PDE1C: variants seen among roughly 807,000 people sequenced by gnomAD.
PDE1C encodes the protein phosphodiesterase 1C.
A neutral mutation model predicts 93.1 loss-of-function variants in PDE1C; 62 were observed. The ratio of observed to expected loss-of-function variants is 0.67; its 90% confidence interval spans 0.54 to 0.82. The LOEUF (loss-of-function observed/expected upper bound fraction) is 0.82, where lower values mean the gene tolerates loss of function less well. Among genes scored for constraint, PDE1C ranks in the 40% least tolerant of loss-of-function variants. The pLI is 0.00. For missense variants in PDE1C, 742 were observed against 884.6 expected, an observed-to-expected ratio of 0.84 and a Z score of 2.04; for synonymous variants, 325 against 310.1, an observed-to-expected ratio of 1.05 and a Z score of -0.50.
chr7:32,079,419 G>A (rs941941471), intron 3 of PDE1C, among the ~76,000 whole-genome samples: 1 of 152,196 alleles, frequency 6.6e-6, no homozygotes, highest in African/African-American at 2.4e-5. Context: ...AAATAGGGTG[G>A]CATTTCAGCT....
chr7:31,799,399 C>T (rs555205463), intron 16 of PDE1C, among the ~76,000 whole-genome samples: 5 of 151,706 alleles, frequency 3.3e-5, no homozygotes, highest in African/African-American at 1.2e-4. Flanking sequence ...AAATTAAATA[C>T]CACTCAAGTG....
intron 16 of PDE1C, among the ~76,000 whole-genome samples, chr7:31,791,733 A>G (rs1784618087): frequency 6.6e-6 from 1 of 152,046 alleles, no homozygotes; most frequent in Non-Finnish European, 1.5e-5. Flanking sequence ...GATAAAGACC[A>G]CTATTTAACT....
At chr7:31,828,737 A>G (rs557896216) in intron 11 of PDE1C, among the ~76,000 whole-genome samples, 1 of 152,268 alleles carries the variant, frequency 6.6e-6, no homozygotes, top group South Asian at 2.1e-4. Flanking sequence ...ACCTGTGGCC[A>G]TTGTTTAGCT....
intron 1 of PDE1C, among the ~76,000 whole-genome samples, chr7:32,237,375 A>T (rs1198739842): frequency 1.3e-5 from 2 of 152,110 alleles, no homozygotes; most frequent in Non-Finnish European, 2.9e-5. Flanking sequence ...TAATAAAATT[A>T]TAATGTCAGA....
Position 32,098,229 on chromosome 7 carries a change from C to CAAAAAAAAAAAAAAAAAA in PDE1C, c.308+71538_308+71555dup, listed in dbSNP as rs60146342. Reference sequence around the variant, plus strand: ...TGGGCGACAGAGCGAGACTCCGTCTCAAAAAAAAAAAAAAAAAAGACATAA... The same window carrying CAAAAAAAAAAAAAAAAAA: ...TGGGCGACAGAGCGAGACTCCGTCTCAAAAAAAAAAAAAAAAAAAAAAAAAAAAAAAAAAAAGACATAA... On this transcript the variant is annotated intron_variant, in intron 3 of 18. Coordinates refer to the PDE1C transcript ENST00000396193. Among the ~76,000 whole-genome samples, 383 of 45,922 alleles carry CAAAAAAAAAAAAAAAAAA rather than the reference C, an allele frequency of 8.3e-3. 5 individuals carry two copies. The highest frequency in any genetic ancestry group is 9.8e-3 in the Non-Finnish European group (237 of 24,184). The allele number at this position is 45,922 out of a possible 152,430, so 30.1% of individuals were successfully genotyped here.
At chr7:31,794,089 C>CAGATAGATAGATAGATAGAT (rs71559204) in intron 16 of PDE1C, among the ~76,000 whole-genome samples, 14 of 136,162 alleles carry the variant, frequency 1.0e-4, no homozygotes, top group East Asian at 4.3e-4. Context: ...GACAGACAGA[C>CAGATAGATAGATAGATAGAT]AGATAGATAG....
intron 1 of PDE1C, among the ~76,000 whole-genome samples, chr7:32,286,852 G>C (rs951860275): frequency 6.6e-6 from 1 of 152,154 alleles, no homozygotes; most frequent in Non-Finnish European, 1.5e-5. Context: ...AATGAATATG[G>C]ATCGTTTTTA....
At chr7:31,965,866 T>A (rs915638422) in intron 2 of PDE1C, among the ~76,000 whole-genome samples, 1 of 152,156 alleles carries the variant, frequency 6.6e-6, no homozygotes, top group Non-Finnish European at 1.5e-5. Context: ...CTAAGCTTCA[T>A]AAGTGAAGGA....
intron 14 of PDE1C, among the ~76,000 whole-genome samples, chr7:31,817,660 C>T (rs951107950): frequency 6.6e-6 from 1 of 152,178 alleles, no homozygotes; most frequent in Admixed American, 6.6e-5. Flanking sequence ...CTCCACACAT[C>T]ATTATCAGGT....
chr7:31,811,397 A>C (rs1211692745), intron 15 of PDE1C, among the ~76,000 whole-genome samples: 1 of 152,064 alleles, frequency 6.6e-6, no homozygotes, highest in Non-Finnish European at 1.5e-5. Context: ...GGAAGAATTG[A>C]GGAGCAGGGG....
At chr7:31,785,947 A>G (rs1180525231) in intron 16 of PDE1C, 1 of 152,246 alleles carries the variant, frequency 6.6e-6, no homozygotes, top group East Asian at 1.9e-4. Flanking sequence ...TTTCTTAGTG[A>G]TAATGAGGCC....
chr7:31,717,108 C>T, the PDE1C span, among the ~76,000 whole-genome samples: 9 of 152,156 alleles, frequency 5.9e-5, no homozygotes, highest in African/African-American at 2.2e-4. Context: ...AGTTATATGG[C>T]AAGAATAAGG....
rs1413840900 is a variant in PDE1C at position 31,751,980 on chromosome 7, C to T, written c.*1404G>A. On this transcript the variant is annotated 3_prime_UTR_variant, in exon 18 of 18. Transcript: ENST00000396191. ...GATTATGAAATGCTCTTAGCTACTTCTGTTATGCACCTATTACTGGCCAGG... is the reference window on the plus strand; with the variant it reads ...GATTATGAAATGCTCTTAGCTACTTTTGTTATGCACCTATTACTGGCCAGG... 6.6e-6 allele frequency: 1 copy of T among 152,178 alleles called. No homozygotes were observed. Among genetic ancestry groups the T allele is most frequent in the East Asian group, 1.9e-4 (1 of 5,172 alleles). The allele number at this position is 152,178 out of a possible 1,614,324, so 9.4% of individuals were successfully genotyped here.
the PDE1C span, among the ~76,000 whole-genome samples, chr7:31,729,759 T>G: frequency 1.3e-5 from 2 of 152,212 alleles, no homozygotes; most frequent in Admixed American, 6.5e-5. Flanking sequence ...TTGAGAGATC[T>G]TCTCCCTTTA....
chr7:31,775,250 C>A (rs1159542956), intron 17 of PDE1C, among the ~76,000 whole-genome samples: 1 of 152,068 alleles, frequency 6.6e-6, no homozygotes. Flanking sequence ...GATGAGAAAA[C>A]AGACATTCCA....
At chr7:31,865,474 C>T (rs1238393618) in intron 6 of PDE1C, among the ~76,000 whole-genome samples, 1 of 152,136 alleles carries the variant, frequency 6.6e-6, no homozygotes, top group Non-Finnish European at 1.5e-5. Context: ...TACCCTTCCC[C>T]TCTAACCCTA....
At chr7:32,266,401 T>A (rs1810575854) in intron 1 of PDE1C, among the ~76,000 whole-genome samples, 1 of 151,818 alleles carries the variant, frequency 6.6e-6, no homozygotes, top group Admixed American at 6.6e-5. Context: ...GTCGGGAGGC[T>A]GAGGCAGGAG....
chr7:31,836,211 G>A (rs2128762932), intron 11 of PDE1C, among the ~76,000 whole-genome samples: 1 of 152,310 alleles, frequency 6.6e-6, no homozygotes, highest in East Asian at 1.9e-4. Flanking sequence ...GATAAGGTTA[G>A]CACATGTGCC....
the PDE1C span, among the ~76,000 whole-genome samples, chr7:31,632,793 A>G: frequency 6.6e-6 from 1 of 152,200 alleles, no homozygotes; most frequent in African/African-American, 2.4e-5. Context: ...GCCTATTCAA[A>G]AGTACAAGAC....
Sources: allele counts gnomAD v4.1 joint callset (sites outside exome capture counted in the v4.1 genomes callset), GRCh38; gene constraint gnomAD v4.1.1; transcripts MANE v1.5; gene names NCBI Gene and HGNC (gene_info 2026-07-23, HGNC 2026-07-21).